NXPH1: variants seen among roughly 807,000 people sequenced by gnomAD.
NXPH1 encodes neurexophilin-1.
A neutral mutation model predicts 23.7 loss-of-function variants in NXPH1; 5 were observed. The observed-to-expected ratio is 0.21, with a 90% CI of 0.11 to 0.44. The LOEUF is 0.44. NXPH1 is among the 20% of genes least tolerant of loss of function. NXPH1 has a pLI of 0.99. For synonymous variants in NXPH1, 144 were observed against 122.2 expected (o/e 1.18, Z -1.18); for missense variants, 324 against 321.6 (o/e 1.01, Z -0.06).
chr7:8,474,968 C>T (rs531592195), intron 2 of NXPH1, among the ~76,000 whole-genome samples: 3 of 152,016 alleles, frequency 2.0e-5, no homozygotes, highest in Admixed American at 1.3e-4. Flanking sequence ...GAGGACAGTC[C>T]CAGGTCTGAG....
chr7:8,611,676 T>G (rs1583191703), intron 2 of NXPH1, among the ~76,000 whole-genome samples: 1 of 152,152 alleles, frequency 6.6e-6, no homozygotes. Flanking sequence ...ACAAATATGT[T>G]TTCAATAACT....
chr7:8,517,609 C>T (rs985315443), intron 2 of NXPH1, among the ~76,000 whole-genome samples: 28 of 152,234 alleles, frequency 1.8e-4, no homozygotes, highest in Admixed American at 1.2e-3. Flanking sequence ...AGGGATATTT[C>T]TCTTTAAAGA....
At chr7:8,722,812 C>G (rs1047597308) in intron 2 of NXPH1, among the ~76,000 whole-genome samples, 9 of 152,148 alleles carry the variant, frequency 5.9e-5, no homozygotes, top group African/African-American at 1.7e-4. Context: ...ATCTTGATAG[C>G]CTTTTGTGAG....
At chr7:8,733,949 G>A (rs922025818) in intron 2 of NXPH1, among the ~76,000 whole-genome samples, 1 of 152,110 alleles carries the variant, frequency 6.6e-6, no homozygotes, top group East Asian at 1.9e-4. Context: ...TGAAGGCTTT[G>A]CCATGCCTAT....
rs180950652 is a variant in NXPH1 at position 8,716,073 on chromosome 7, G to C, written c.55-34935G>C. The stretch of plus-strand genomic sequence containing the variant: ...AGTTTCACATGGCAAAAACAAAAGA[G>C]GGACAGCAGATAAGGTGAAAAAGCC... On this transcript the variant is annotated intron_variant, in intron 2 of 2. Coordinates refer to ENST00000405863, the MANE Select transcript of NXPH1 (RefSeq NM_152745.3). Among the ~76,000 whole-genome samples the C allele has an allele frequency of 2.8e-4, 42 of 152,222 alleles. No individual in the cohort carries two copies. In the East Asian group the frequency reaches 6.4e-3, roughly 23 times the overall value.
intron 2 of NXPH1, among the ~76,000 whole-genome samples, chr7:8,565,116 G>A (rs1441612913): frequency 6.6e-6 from 1 of 151,720 alleles, no homozygotes; most frequent in East Asian, 2.0e-4. Context: ...ATGTGGCCCT[G>A]TGTATTCTTT....
intron 2 of NXPH1, among the ~76,000 whole-genome samples, chr7:8,666,991 C>T (rs1029604836): frequency 6.6e-6 from 1 of 151,978 alleles, no homozygotes; most frequent in African/African-American, 2.4e-5. Flanking sequence ...TGCTCTGTAA[C>T]TAACATGAGG....
At chr7:8,466,049 AATG>A (rs1389319936) in intron 2 of NXPH1, among the ~76,000 whole-genome samples, 1 of 152,328 alleles carries the variant, frequency 6.6e-6, no homozygotes, top group Admixed American at 6.5e-5. Context: ...TTCCTAATGA[AATG>A]ATCTGTGAAA....
chr7:8,706,178 T>G lies in NXPH1; in HGVS notation c.55-44830T>G, dbSNP rs1779703197. On this transcript the variant is annotated intron_variant, in intron 2 of 2. Coordinates refer to ENST00000405863, the MANE Select transcript of NXPH1 (RefSeq NM_152745.3). The stretch of plus-strand genomic sequence containing the variant: ...TAACCTCTTTTCAAAAAATGGTTCC[T>G]GCAAAGCTATCAGGCCTTGGTAGCA... Among the ~76,000 whole-genome samples, 4 of 152,326 alleles carry G rather than the reference T, an allele frequency of 2.6e-5. No homozygotes were observed. In the South Asian group the frequency reaches 8.3e-4, roughly 32 times the overall value.
chr7:8,742,344 G>A (rs1289579241), intron 2 of NXPH1, among the ~76,000 whole-genome samples: 1 of 152,058 alleles, frequency 6.6e-6, no homozygotes, highest in African/African-American at 2.4e-5. Context: ...TGGAATTGAG[G>A]CTAAAATAGT....
intron 2 of NXPH1, among the ~76,000 whole-genome samples, chr7:8,445,952 C>A (rs565472060): frequency 6.6e-6 from 1 of 152,290 alleles, no homozygotes; most frequent in African/African-American, 2.4e-5. Flanking sequence ...GCACTCCAAC[C>A]TCTTCAACTG....
intron 2 of NXPH1, among the ~76,000 whole-genome samples, chr7:8,532,450 A>G (rs577631225): frequency 8.0e-4 from 67 of 84,228 alleles, no homozygotes; most frequent in Admixed American, 2.0e-3. Flanking sequence ...CTCTGAAATT[A>G]TCCTTTCATA....
At chr7:8,686,332 C>G (rs887331422) in intron 2 of NXPH1, among the ~76,000 whole-genome samples, 2 of 152,020 alleles carry the variant, frequency 1.3e-5, no homozygotes, top group Admixed American at 1.3e-4. Context: ...CAAAAAGAAC[C>G]ATTATCATTT....
intron 2 of NXPH1, among the ~76,000 whole-genome samples, chr7:8,513,074 A>C (rs976817202): frequency 1.3e-5 from 2 of 152,088 alleles, no homozygotes; most frequent in African/African-American, 4.8e-5. Flanking sequence ...GAATTACTAA[A>C]ATAGAAATAT....
At chr7:8,672,464 G>A (rs1820886711) in intron 2 of NXPH1, among the ~76,000 whole-genome samples, 1 of 150,520 alleles carries the variant, frequency 6.6e-6, no homozygotes, top group African/African-American at 2.5e-5. Context: ...AAAACTTAAA[G>A]TATAATAATA....
intron 2 of NXPH1, among the ~76,000 whole-genome samples, chr7:8,506,213 A>C (rs1158709912): frequency 6.6e-6 from 1 of 152,062 alleles, no homozygotes; most frequent in South Asian, 2.1e-4. Flanking sequence ...CTGTTGTTGC[A>C]ATGATTTTTA....
chr7:8,500,501 G>T (rs1445669857), intron 2 of NXPH1, among the ~76,000 whole-genome samples: 1 of 152,032 alleles, frequency 6.6e-6, no homozygotes, highest in Non-Finnish European at 1.5e-5. Flanking sequence ...TGCCTTATTT[G>T]GCTGTTGTGA....
At chr7:8,465,062 G>T (rs1816762438) in intron 2 of NXPH1, among the ~76,000 whole-genome samples, 1 of 152,168 alleles carries the variant, frequency 6.6e-6, no homozygotes, top group Admixed American at 6.5e-5. Flanking sequence ...ATAGATACCA[G>T]GACTTGGGAA....
rs75920628 is a variant in NXPH1 at position 8,682,901 on chromosome 7, A to T, written c.55-68107A>T. ...AGAGAAGATGAATTTACCACAAGGC[A>T]GCTTATTCCAGCACAAAGAGCCCTT... is the stretch of plus-strand genomic sequence containing the variant. On this transcript the variant is annotated intron_variant, in intron 2 of 2. Transcript: ENST00000405863. Among the ~76,000 whole-genome samples, 751 of 152,376 alleles carry T rather than the reference A, an allele frequency of 4.9e-3. 35 individuals carry two copies. In the East Asian group the frequency reaches 0.12, roughly 24 times the overall value.
Sources: gnomAD v4.1 joint callset for allele counts (sites outside exome capture counted in the v4.1 genomes callset) on GRCh38, gnomAD v4.1.1 for gene constraint, MANE v1.5 for transcripts, NCBI Gene and HGNC (gene_info 2026-07-23, HGNC 2026-07-21) for gene names.